The following LRP1B variants were observed in gnomAD, a reference collection of about 807,000 sequenced individuals.
LRP1B encodes the protein low-density lipoprotein receptor-related protein 1B.
Under a neutral mutation model 556.6 loss-of-function variants are expected in LRP1B, and 217 were observed. The ratio of observed to expected loss-of-function variants is 0.39; its 90% confidence interval spans 0.35 to 0.44. The LOEUF (loss-of-function observed/expected upper bound fraction) is 0.44. Among genes scored for constraint, LRP1B ranks in the 20% least tolerant of loss-of-function variants. The probability of loss-of-function intolerance (pLI) is 1.00; values close to 1 mark genes in which losing one functional copy is unlikely to be tolerated. For synonymous variants in LRP1B, 2,047 were observed against 1,865.8 expected (o/e 1.10, Z -2.50); for missense variants, 5,053 against 5,620.8 (o/e 0.90, Z 3.23).
intron 3 of LRP1B, among the ~76,000 whole-genome samples, chr2:141,454,749 T>G (rs1231412754): frequency 6.6e-6 from 1 of 152,176 alleles, no homozygotes; most frequent in Non-Finnish European, 1.5e-5. Flanking sequence ...TTTCCTAGTT[T>G]GAGTTTGAAT....
chr2:140,309,177 C>A (rs1298423090), intron 83 of LRP1B, among the ~76,000 whole-genome samples: 1 of 151,742 alleles, frequency 6.6e-6, no homozygotes. Context: ...CTATAGCTGT[C>A]AGGTTTTCTT....
chr2:142,079,121 C>A (rs1303663155), intron 1 of LRP1B, among the ~76,000 whole-genome samples: 6 of 152,142 alleles, frequency 3.9e-5, no homozygotes, highest in Non-Finnish European at 1.5e-5. Context: ...GAAATTACCA[C>A]TGGATGCTAG....
intron 41 of LRP1B, among the ~76,000 whole-genome samples, chr2:140,659,614 G>A (rs185720736): frequency 6.6e-6 from 1 of 152,144 alleles, no homozygotes; most frequent in East Asian, 1.9e-4. Flanking sequence ...ATTCAACACA[G>A]TAAATATAGA....
At chr2:140,773,029 C>A (rs1689370008) in intron 33 of LRP1B, among the ~76,000 whole-genome samples, 1 of 151,954 alleles carries the variant, frequency 6.6e-6, no homozygotes, top group Non-Finnish European at 1.5e-5. Flanking sequence ...ACCCTGGAGA[C>A]AGAGGCTGCA....
chr2:141,622,696 T>A (rs1298857737), intron 2 of LRP1B, among the ~76,000 whole-genome samples: 1 of 152,184 alleles, frequency 6.6e-6, no homozygotes, highest in Admixed American at 6.5e-5. Flanking sequence ...GCAAATAATA[T>A]CAGCCAAATA....
At chr2:140,769,410 A>C (rs907579120) in intron 34 of LRP1B, 66 bp from the exon 35 acceptor site, 20 of 1,412,278 alleles carry the variant, frequency 1.4e-5, no homozygotes, top group Non-Finnish European at 1.9e-5. Context: ...AATACAAATA[A>C]TTTCATTTGT....
chr2:140,525,838 T>A lies in LRP1B; in HGVS notation c.8026+6A>T. 6.2e-7 allele frequency: 1 copy of A among 1,609,738 alleles called. No homozygotes were observed. Among genetic ancestry groups the A allele is most frequent in the Non-Finnish European group, 8.5e-7 (1 of 1,177,836 alleles). On this transcript the variant is annotated splice_donor_region_variant and intron_variant, in intron 49 of 90. Transcript: ENST00000389484. ...AAGCCTGTGTTTTTCTAAATTCTAGTATTACCTGGGCACTTTAATTCATCT... is the reference window on the plus strand; with the variant it reads ...AAGCCTGTGTTTTTCTAAATTCTAGAATTACCTGGGCACTTTAATTCATCT...
chr2:142,041,001 G>T (rs1255722374), intron 1 of LRP1B, among the ~76,000 whole-genome samples: 2 of 151,372 alleles, frequency 1.3e-5, no homozygotes, highest in Non-Finnish European at 3.0e-5. Context: ...TGAGTCCAGT[G>T]AAACGTTTCT....
chr2:141,741,262 CCTT>C (rs1693691570), intron 2 of LRP1B, among the ~76,000 whole-genome samples: 1 of 60,806 alleles, frequency 1.6e-5, no homozygotes, highest in African/African-American at 7.5e-5. Flanking sequence ...ATACTGATTT[CCTT>C]TTTTTTTTTT....
intron 43 of LRP1B, 85 bp downstream of exon 43, chr2:140,598,546 A>G (rs539721359): frequency 3.4e-5 from 33 of 970,088 alleles, no homozygotes; most frequent in Non-Finnish European, 4.9e-5. Context: ...ATTCCTTGAT[A>G]TGTACATTTT....
intron 3 of LRP1B, among the ~76,000 whole-genome samples, chr2:141,322,258 G>T (rs897635132): frequency 6.6e-6 from 1 of 151,976 alleles, no homozygotes; most frequent in African/African-American, 2.4e-5. Context: ...TAAGGAATGG[G>T]CAAGGGAAAA....
intron 18 of LRP1B, among the ~76,000 whole-genome samples, chr2:140,972,944 AT>A (rs1696476665): frequency 2.0e-4 from 1 of 5,038 alleles, no homozygotes; most frequent in African/African-American, 3.2e-4. Flanking sequence ...CAGCTTTTTG[AT>A]ATATATATAT....
chr2:141,792,520 G>T (rs2105665188), intron 2 of LRP1B, among the ~76,000 whole-genome samples: 1 of 152,124 alleles, frequency 6.6e-6, no homozygotes, highest in South Asian at 2.1e-4. Flanking sequence ...GTGTTGTATA[G>T]TATAGTTTGA....
At chr2:140,739,751 C>T (rs1262346742) in intron 35 of LRP1B, among the ~76,000 whole-genome samples, 1 of 152,042 alleles carries the variant, frequency 6.6e-6, no homozygotes, top group Admixed American at 6.6e-5. Context: ...TCTCCCCATT[C>T]TCAGAAAATC....
chr2:141,555,054 C>CCAGA (rs1685911657), intron 2 of LRP1B, among the ~76,000 whole-genome samples: 1 of 151,922 alleles, frequency 6.6e-6, no homozygotes, highest in Non-Finnish European at 1.5e-5. Context: ...GGGAAGATGC[C>CCAGA]CAGACGTTCA....
chr2:141,482,038 A>AAAT (rs993665235), intron 2 of LRP1B, among the ~76,000 whole-genome samples: 1 of 152,102 alleles, frequency 6.6e-6, no homozygotes, highest in African/African-American at 2.4e-5. Flanking sequence ...AGTTGAGGTA[A>AAAT]AATAATAATA....
At chr2:140,853,960 GGAGGAGTGAGTAA>G (rs1487910572) in intron 27 of LRP1B, among the ~76,000 whole-genome samples, 1 of 151,708 alleles carries the variant, frequency 6.6e-6, no homozygotes, top group African/African-American at 2.4e-5. Context: ...CAGGACAGGA[GGAGGAGTGAGTAA>G]GAGGCAGTGT....
At chr2:140,331,484 T>TA (rs35887265) in intron 79 of LRP1B, among the ~76,000 whole-genome samples, 1 of 151,890 alleles carries the variant, frequency 6.6e-6, no homozygotes, top group Non-Finnish European at 1.5e-5. Flanking sequence ...CAATATTGGC[T>TA]AAAAAGTTAT....
intron 17 of LRP1B, among the ~76,000 whole-genome samples, chr2:140,985,979 TTTG>T (rs1454144946): frequency 6.6e-6 from 1 of 151,856 alleles, no homozygotes; most frequent in Non-Finnish European, 1.5e-5. Flanking sequence ...CTACTTTTAA[TTTG>T]TTTTTATTTT....
Sources: allele counts gnomAD v4.1 joint callset (sites outside exome capture counted in the v4.1 genomes callset), GRCh38; gene constraint gnomAD v4.1.1; transcripts MANE v1.5; gene names NCBI Gene and HGNC (gene_info 2026-07-23, HGNC 2026-07-21).